KLF8: variants seen among roughly 807,000 people sequenced by gnomAD.
KLF8 encodes Krueppel-like factor 8.
A neutral mutation model predicts 18.2 loss-of-function variants in KLF8; 10 were observed. The ratio of observed to expected loss-of-function variants is 0.55; its 90% confidence interval spans 0.34 to 0.93. The LOEUF is 0.93. KLF8 is among the 40% of genes least tolerant of loss of function. The probability of loss-of-function intolerance (pLI) is 0.02; values close to 1 mark genes in which losing one functional copy is unlikely to be tolerated. For missense variants in KLF8, 264 were observed against 277.9 expected, an observed-to-expected ratio of 0.95 and a Z score of 0.36; for synonymous variants, 109 against 97.3, an observed-to-expected ratio of 1.12 and a Z score of -0.71.
At chrX:56,108,938 T>A in the KLF8 span, among the ~76,000 whole-genome samples, 1 of 112,353 alleles carries the variant, frequency 8.9e-6, no homozygotes, top group Non-Finnish European at 1.9e-5. Flanking sequence ...TGTTTTATTC[T>A]TAAACCAATT....
At chrX:55,931,962 T>C in the KLF8 span, among the ~76,000 whole-genome samples, 1 of 110,636 alleles carries the variant, frequency 9.0e-6, no homozygotes, top group African/African-American at 3.3e-5. Flanking sequence ...ATATTGACAG[T>C]GAGGTGTTAA....
the KLF8 span, among the ~76,000 whole-genome samples, chrX:56,053,578 A>G: frequency 2.0e-5 from 2 of 100,251 alleles, no homozygotes; most frequent in Non-Finnish European, 4.1e-5. Flanking sequence ...TTCAGCCGGA[A>G]TGATACCAGC....
At chrX:55,929,170 C>CT in the KLF8 span, among the ~76,000 whole-genome samples, 1 of 112,474 alleles carries the variant, frequency 8.9e-6, no homozygotes, top group East Asian at 2.8e-4. Context: ...TAAATGTCTT[C>CT]TTTTGAGAAG....
At chrX:56,002,808 C>T in the KLF8 span, among the ~76,000 whole-genome samples, 8 of 111,860 alleles carry the variant, frequency 7.2e-5, no homozygotes, top group Admixed American at 1.9e-4. Flanking sequence ...TCTAACTAAG[C>T]GAAGCTTTAT....
At chrX:56,154,099 C>T in the KLF8 span, among the ~76,000 whole-genome samples, 1 of 110,847 alleles carries the variant, frequency 9.0e-6, no homozygotes, top group African/African-American at 3.3e-5. Flanking sequence ...TCATATGGAA[C>T]CAAAAAAAGA....
the KLF8 span, among the ~76,000 whole-genome samples, chrX:56,117,526 G>A: frequency 5.4e-5 from 6 of 111,404 alleles, no homozygotes; most frequent in African/African-American, 1.3e-4. Context: ...AAGAACCTCA[G>A]TTTGCCATTG....
the KLF8 span, among the ~76,000 whole-genome samples, chrX:56,058,305 T>TATAC: frequency 1.3e-5 from 1 of 76,060 alleles, no homozygotes; most frequent in Non-Finnish European, 2.6e-5. Flanking sequence ...TATATATATA[T>TATAC]ATATATATAT....
chrX:56,049,049 A>G, the KLF8 span, among the ~76,000 whole-genome samples: 1 of 111,726 alleles, frequency 9.0e-6, no homozygotes, highest in Non-Finnish European at 1.9e-5. Flanking sequence ...GAGTTCACTC[A>G]TGATTTGGCT....
chrX:56,024,463 A>G, the KLF8 span, among the ~76,000 whole-genome samples: 1 of 111,452 alleles, frequency 9.0e-6, no homozygotes, highest in African/African-American at 3.3e-5. Flanking sequence ...CCACCTTTGC[A>G]GCAGGACGAG....
chrX:55,990,738 G>C, the KLF8 span, among the ~76,000 whole-genome samples: 1 of 112,388 alleles, frequency 8.9e-6, no homozygotes, highest in South Asian at 3.7e-4. Context: ...ATCAGCTGCT[G>C]GTCTGTTGGA....
chrX:56,025,215 A>T, the KLF8 span, among the ~76,000 whole-genome samples: 1 of 112,644 alleles, frequency 8.9e-6, no homozygotes, highest in Non-Finnish European at 1.9e-5. Flanking sequence ...GTACTGGCAC[A>T]TTTAGTTCAT....
the KLF8 span, among the ~76,000 whole-genome samples, chrX:56,113,702 C>A: frequency 9.1e-6 from 1 of 110,098 alleles, no homozygotes; most frequent in Non-Finnish European, 1.9e-5. Context: ...TTTGAGAACT[C>A]CTTCAATGCT....
chrX:56,057,678 T>C, the KLF8 span, among the ~76,000 whole-genome samples: 1 of 111,166 alleles, frequency 9.0e-6, no homozygotes, highest in African/African-American at 3.3e-5. Context: ...TAAGGGGTGC[T>C]CATGTCAGAC....
At position 56,256,299 on chromosome X, in the gene KLF8, A is replaced by G. The variant is rs749593852; in HGVS notation, c.81+5995A>G. 2.7e-5 allele frequency among the ~76,000 whole-genome samples: 3 copies of G among 111,376 alleles called. No homozygotes were observed. The South Asian group carries it at 1.1e-3, about 42-fold the overall frequency. Reference sequence around the variant, plus strand: ...TTTTCTCATTAGCCTGGCTAAAGGTATGTCAATTTTGTTTAACTTTTCAAA... The same window carrying G: ...TTTTCTCATTAGCCTGGCTAAAGGTGTGTCAATTTTGTTTAACTTTTCAAA... On this transcript the variant is annotated intron_variant, in intron 2 of 5. Transcript: ENST00000468660.
the KLF8 span, among the ~76,000 whole-genome samples, chrX:56,176,645 T>C: frequency 9.0e-6 from 1 of 111,337 alleles, no homozygotes; most frequent in African/African-American, 3.3e-5. Context: ...TTTGAATGTT[T>C]GCCTGCCTTA....
the KLF8 span, among the ~76,000 whole-genome samples, chrX:56,160,490 G>A: frequency 1.8e-5 from 2 of 111,300 alleles, 1 homozygote; most frequent in Non-Finnish European, 3.8e-5. Context: ...ACAGTGGGGT[G>A]TTAAAGTCTC....
chrX:56,286,588 T>A lies in KLF8; in HGVS notation c.*2094T>A, dbSNP rs2067270491. ...GATTAAATAGCAAGTAAAATGTACT[T>A]GTGGTCATTGCCGTATAACATTAGG... On this transcript the variant is annotated 3_prime_UTR_variant, in exon 6 of 6. Transcript: ENST00000468660. The A allele has an allele frequency of 8.9e-6, 1 of 112,775 alleles. No individual in the cohort carries two copies. The highest frequency in any genetic ancestry group is 3.2e-5 in the African/African-American group (1 of 31,020). 9.3% of individuals were successfully genotyped at this position (112,775 alleles called of 1,213,427 possible).
chrX:56,253,587 A>G (rs2066744198), intron 2 of KLF8, among the ~76,000 whole-genome samples: 1 of 110,014 alleles, frequency 9.1e-6, no homozygotes, highest in Admixed American at 9.7e-5. Context: ...TTTCATGCCA[A>G]TACAATGCCA....
chrX:56,222,196 C>T, the KLF8 span, among the ~76,000 whole-genome samples: 2 of 110,810 alleles, frequency 1.8e-5, no homozygotes, highest in Non-Finnish European at 3.8e-5. Flanking sequence ...CAAGTCCCCA[C>T]TAGATAGCTA....
Sources: allele counts gnomAD v4.1 joint callset (sites outside exome capture counted in the v4.1 genomes callset), GRCh38; gene constraint gnomAD v4.1.1; transcripts MANE v1.5; gene names NCBI Gene and HGNC (gene_info 2026-07-23, HGNC 2026-07-21).